SFXN1: variants seen among roughly 807,000 people sequenced by gnomAD.
The protein encoded by SFXN1 is sideroflexin 1.
Under a neutral mutation model 39.5 loss-of-function variants are expected in SFXN1, and 32 were observed. The observed-to-expected ratio is 0.81, with a 90% CI of 0.61 to 1.09. The LOEUF is 1.09. SFXN1 is among the 50% of genes least tolerant of loss of function. The pLI, the probability that SFXN1 is intolerant of heterozygous loss-of-function variation, is 0.00. For missense variants in SFXN1, 402 were observed against 407.1 expected, an observed-to-expected ratio of 0.99 and a Z score of 0.11; for synonymous variants, 136 against 146.5, an observed-to-expected ratio of 0.93 and a Z score of 0.52.
chr5:175,497,952 A>C (rs1694092638), intron 2 of SFXN1, among the ~76,000 whole-genome samples: 2 of 151,826 alleles, frequency 1.3e-5, no homozygotes, highest in South Asian at 2.1e-4. Flanking sequence ...AAAAAAAAAA[A>C]AAACCACAAT....
chr5:175,525,513 C>A (rs1039741777), intron 10 of SFXN1, among the ~76,000 whole-genome samples: 1 of 152,078 alleles, frequency 6.6e-6, no homozygotes, highest in South Asian at 2.1e-4. Flanking sequence ...TTTCTATATT[C>A]GTAATTTTTA....
chr5:175,511,617 A>G, intron 5 of SFXN1, 91 bp downstream of exon 5: 1 of 981,018 alleles, frequency 1.0e-6, no homozygotes, highest in Non-Finnish European at 1.6e-6. Context: ...AAACTAGTTC[A>G]AGTCATATGG....
chr5:175,495,694 A>G lies in SFXN1; in HGVS notation c.164+3427A>G, dbSNP rs576814562. On this transcript the variant is annotated intron_variant, in intron 2 of 10. Transcript: ENST00000321442. ...CAGTGACTTGAGATCGCACCACTGC[A>G]CTCCAGCCTGGGCAACAGAGCAAGA... is the stretch of plus-strand genomic sequence containing the variant. Among the ~76,000 whole-genome samples, 36 of 150,228 alleles carry G rather than the reference A, an allele frequency of 2.4e-4. No individual in the cohort carries two copies. In the East Asian group the frequency reaches 6.6e-3, roughly 28 times the overall value.
At chr5:175,525,030 A>G (rs1172563124) in intron 10 of SFXN1, among the ~76,000 whole-genome samples, 3 of 152,228 alleles carry the variant, frequency 2.0e-5, no homozygotes, top group African/African-American at 7.2e-5. Context: ...CACAAGAAAC[A>G]GGTAGTTTTA....
chr5:175,520,110 C>T (rs191269436), intron 8 of SFXN1, among the ~76,000 whole-genome samples: 3 of 151,886 alleles, frequency 2.0e-5, no homozygotes, highest in Non-Finnish European at 4.4e-5. Context: ...CCTTGTGATC[C>T]ACCTGCCTCA....
chr5:175,504,848 C>A (rs975783165), intron 2 of SFXN1, among the ~76,000 whole-genome samples: 1 of 151,924 alleles, frequency 6.6e-6, no homozygotes, highest in African/African-American at 2.4e-5. Flanking sequence ...CCTGCCTCAG[C>A]CTCCTGAGTA....
chr5:175,524,734 T>G (rs1387612174), intron 10 of SFXN1, among the ~76,000 whole-genome samples: 1 of 152,100 alleles, frequency 6.6e-6, no homozygotes, highest in African/African-American at 2.4e-5. Context: ...AGTGAAATCT[T>G]GGTTCTTTGA....
At chr5:175,482,381 T>A (rs1200555792) in intron 1 of SFXN1, among the ~76,000 whole-genome samples, 1 of 152,244 alleles carries the variant, frequency 6.6e-6, no homozygotes, top group African/African-American at 2.4e-5. Flanking sequence ...CCTGCTAACT[T>A]GTTTTCTACA....
chr5:175,523,851 A>G (rs537725285), intron 10 of SFXN1: 61 of 152,034 alleles, frequency 4.0e-4, no homozygotes, highest in African/African-American at 1.4e-3. Flanking sequence ...TTGTTTATAC[A>G]TTGTATGTTT....
intron 5 of SFXN1, 93 bp downstream of exon 5, chr5:175,511,619 G>A (rs1760519394): frequency 1.0e-6 from 1 of 964,354 alleles, no homozygotes; most frequent in African/African-American, 1.6e-5. Flanking sequence ...ACTAGTTCAA[G>A]TCATATGGCT....
chr5:175,484,636 A>C (rs1175646420), intron 1 of SFXN1, among the ~76,000 whole-genome samples: 1 of 152,276 alleles, frequency 6.6e-6, no homozygotes, highest in Admixed American at 6.5e-5. Context: ...GACTCTAGAC[A>C]CAAAATGGAG....
chr5:175,493,909 C>T (rs1422925374), intron 2 of SFXN1, among the ~76,000 whole-genome samples: 1 of 152,076 alleles, frequency 6.6e-6, no homozygotes, highest in South Asian at 2.1e-4. Flanking sequence ...TTTTACAACC[C>T]TCTAAAACCA....
intron 2 of SFXN1, among the ~76,000 whole-genome samples, chr5:175,501,322 C>A (rs1760075929): frequency 6.6e-6 from 1 of 152,090 alleles, no homozygotes. Flanking sequence ...CCCGCCTCGG[C>A]CCCCGAAAGT....
intron 2 of SFXN1, among the ~76,000 whole-genome samples, chr5:175,508,257 C>CT: frequency 1.6e-5 from 1 of 61,564 alleles, no homozygotes; most frequent in African/African-American, 6.4e-5. Flanking sequence ...TTGAGAGGGT[C>CT]TTTCTCTGCC....
In SFXN1 at chr5:175,510,114, C is replaced by CGCCGGCTGTGCTGTTCTG; in HGVS notation, c.344_361dup (p.Pro115_Trp120dup). 1 of 1,610,924 alleles carries CGCCGGCTGTGCTGTTCTG rather than the reference C, an allele frequency of 6.2e-7. No individual in the cohort carries two copies. The highest frequency in any genetic ancestry group is 8.5e-7 in the Non-Finnish European group (1 of 1,178,468). On this transcript the variant is annotated inframe_insertion, in exon 4 of 11. Transcript: ENST00000321442. ...GACGGATGCCTCTGTTTTAGGACTA[C>CGCCGGCTGTGCTGTTCTG]GCCGGCTGTGCTGTTCTGGCAGTGG...
intron 2 of SFXN1, among the ~76,000 whole-genome samples, chr5:175,494,712 A>G (rs938900212): frequency 6.6e-6 from 1 of 151,636 alleles, no homozygotes; most frequent in Non-Finnish European, 1.5e-5. Flanking sequence ...AGATCATGCC[A>G]CTGCACTCCA....
intron 3 of SFXN1, 116 bp from the exon 4 acceptor site, chr5:175,509,993 T>A: frequency 1.3e-6 from 1 of 767,982 alleles, no homozygotes; most frequent in Non-Finnish European, 2.2e-6. Context: ...TGTGGCCTTA[T>A]GGCTTTCTCC....
At chr5:175,505,574 T>TAATAATA (rs1760262520) in intron 2 of SFXN1, among the ~76,000 whole-genome samples, 1 of 84,548 alleles carries the variant, frequency 1.2e-5, no homozygotes. Context: ...TAATAATAAT[T>TAATAATA]CTAAGGTTTA....
At chr5:175,480,809 T>C (rs1759220826) in intron 1 of SFXN1, among the ~76,000 whole-genome samples, 1 of 152,240 alleles carries the variant, frequency 6.6e-6, no homozygotes, top group African/African-American at 2.4e-5. Context: ...TATCCTGTTG[T>C]GTAGCAGTGG....
Sources: allele counts gnomAD v4.1 joint callset (sites outside exome capture counted in the v4.1 genomes callset), GRCh38; gene constraint gnomAD v4.1.1; transcripts MANE v1.5; gene names NCBI Gene and HGNC (gene_info 2026-07-23, HGNC 2026-07-21).